Variants in SNX29 observed in about 807,000 individuals in gnomAD.
SNX29 encodes the protein sorting nexin-29.
SNX29 carries 78 observed loss-of-function variants against 102.1 expected under a neutral mutation model. The observed-to-expected ratio is 0.76, with a 90% CI of 0.64 to 0.92. SNX29 has a LOEUF of 0.92. Among genes scored for constraint, SNX29 ranks in the 40% least tolerant of loss-of-function variants. SNX29 has a pLI of 0.00. For missense variants in SNX29, 1,280 were observed against 1,061.7 expected, an observed-to-expected ratio of 1.21 and a Z score of -2.86; for synonymous variants, 580 against 414.5, an observed-to-expected ratio of 1.40 and a Z score of -4.85.
chr16:12,479,748 A>C (rs575285248), intron 19 of SNX29, among the ~76,000 whole-genome samples: 1 of 152,242 alleles, frequency 6.6e-6, no homozygotes, highest in Non-Finnish European at 1.5e-5. Flanking sequence ...CGTATTATCA[A>C]ATTATAAGAC....
chr16:12,174,774 G>A (rs2076223389), intron 13 of SNX29, among the ~76,000 whole-genome samples: 1 of 152,164 alleles, frequency 6.6e-6, no homozygotes, highest in Non-Finnish European at 1.5e-5. Context: ...CATGGATGTG[G>A]GATCTGTGCC....
At chr16:12,154,790 C>A (rs2055466030) in intron 13 of SNX29, among the ~76,000 whole-genome samples, 1 of 152,152 alleles carries the variant, frequency 6.6e-6, no homozygotes, top group African/African-American at 2.4e-5. Context: ...GCACCTTCTC[C>A]CTGTGTCCTT....
chr16:12,502,654 T>G (rs9941261), intron 19 of SNX29, among the ~76,000 whole-genome samples: 1 of 152,060 alleles, frequency 6.6e-6, no homozygotes, highest in Non-Finnish European at 1.5e-5. Flanking sequence ...GGTCTGAGGA[T>G]GAAATTCAAG....
chr16:12,340,344 A>T (rs1371945844), intron 15 of SNX29, among the ~76,000 whole-genome samples: 6 of 152,232 alleles, frequency 3.9e-5, no homozygotes, highest in African/African-American at 1.4e-4. Flanking sequence ...GTAACGGGGC[A>T]TAAAGACAAT....
intron 14 of SNX29, among the ~76,000 whole-genome samples, chr16:12,222,460 A>G (rs1210880764): frequency 6.6e-6 from 1 of 152,236 alleles, no homozygotes; most frequent in Non-Finnish European, 1.5e-5. Context: ...GTATGTTTAC[A>G]TCGAATGGAC....
Position 11,996,351 on chromosome 16 carries a change from C to G in SNX29, c.8-2946C>G, listed in dbSNP as rs751775538. ...GAAAGCTATGATTGTGCCACTTACT[C>G]TAGCCCATGTGATAGAGATCCTGTC... is the stretch of plus-strand genomic sequence containing the variant. On this transcript the variant is annotated intron_variant, in intron 1 of 20. Transcript: ENST00000566228. Among the ~76,000 whole-genome samples the G allele has an allele frequency of 3.9e-5, 6 of 152,278 alleles. No homozygotes were observed. The South Asian group carries it at 6.2e-4, about 16-fold the overall frequency.
intron 16 of SNX29, among the ~76,000 whole-genome samples, chr16:12,368,930 T>A (rs9926796): frequency 2.0e-5 from 3 of 152,136 alleles, no homozygotes; most frequent in Non-Finnish European, 4.4e-5. Context: ...TGCACAGATA[T>A]GGATTCATCA....
At chr16:12,339,640 T>C (rs2081556283) in intron 15 of SNX29, among the ~76,000 whole-genome samples, 1 of 152,212 alleles carries the variant, frequency 6.6e-6, no homozygotes, top group African/African-American at 2.4e-5. Context: ...GCTCTCTGCT[T>C]TCTTTTTTGT....
At position 12,298,198 on chromosome 16, in the gene SNX29, C is replaced by T. The variant is rs146769758; in HGVS notation, c.1782+20162C>T. Among the ~76,000 whole-genome samples, 1,430 of 152,242 alleles carry T rather than the reference C, an allele frequency of 9.4e-3. 78 individuals carry two copies. Among genetic ancestry groups the T allele is most frequent in the Admixed American group, 0.084 (1,284 of 15,292 alleles). On this transcript the variant is annotated intron_variant, in intron 15 of 20. Transcript: ENST00000566228. ...AAGAAAAGAAATAATAATAGCACTT[C>T]AGTCATGGCATAATTGATGTGGAAT...
At chr16:12,339,062 C>T (rs1449237559) in intron 15 of SNX29, among the ~76,000 whole-genome samples, 2 of 152,142 alleles carry the variant, frequency 1.3e-5, no homozygotes, top group African/African-American at 2.4e-5. Context: ...CCTGCGCCAT[C>T]ATGACTGTTT....
intron 19 of SNX29, among the ~76,000 whole-genome samples, chr16:12,509,104 T>C (rs1359981673): frequency 6.6e-6 from 1 of 152,154 alleles, no homozygotes; most frequent in South Asian, 2.1e-4. Flanking sequence ...GTGAAGAATT[T>C]ATGCTGGTTG....
chr16:11,999,455 C>T (rs1449028197), intron 2 of SNX29, 97 bp downstream of exon 2: 1 of 1,139,162 alleles, frequency 8.8e-7, no homozygotes, highest in Non-Finnish European at 1.3e-6. Flanking sequence ...AGACTAACTC[C>T]CACTTTATAC....
chr16:12,368,116 C>G (rs2082552430), intron 16 of SNX29, among the ~76,000 whole-genome samples: 1 of 152,154 alleles, frequency 6.6e-6, no homozygotes, highest in Non-Finnish European at 1.5e-5. Context: ...TTCTGATGCA[C>G]TTGTGTGAAA....
chr16:12,115,712 A>C (rs1372970935), intron 11 of SNX29, among the ~76,000 whole-genome samples: 3 of 152,330 alleles, frequency 2.0e-5, no homozygotes, highest in East Asian at 3.9e-4. Context: ...CCATCTAATT[A>C]ACACCTGTAC....
intron 20 of SNX29, among the ~76,000 whole-genome samples, chr16:12,529,925 T>G (rs2076887093): frequency 6.6e-6 from 1 of 152,170 alleles, no homozygotes; most frequent in South Asian, 2.1e-4. Context: ...TCCAAAGTCC[T>G]CAGCGTTACC....
intron 15 of SNX29, among the ~76,000 whole-genome samples, chr16:12,290,937 T>C (rs904600224): frequency 1.3e-5 from 2 of 152,156 alleles, no homozygotes; most frequent in Non-Finnish European, 2.9e-5. Flanking sequence ...CTCTGTTGTG[T>C]TGCTGGATCC....
intron 9 of SNX29, among the ~76,000 whole-genome samples, chr16:12,062,389 TAAATAA>T (rs755770853): frequency 1.4e-5 from 2 of 141,724 alleles, no homozygotes; most frequent in Non-Finnish European, 3.1e-5. Context: ...AATAAATAAA[TAAATAA>T]ATAAATAAAT....
chr16:11,977,753 C>T (rs2055335002), intron 1 of SNX29: 1 of 152,376 alleles, frequency 6.6e-6, no homozygotes, highest in Non-Finnish European at 1.5e-5. Flanking sequence ...CTCCTTTCCT[C>T]TGAGGAGTCT....
At chr16:12,185,800 A>G (rs909763571) in intron 13 of SNX29, among the ~76,000 whole-genome samples, 4 of 152,218 alleles carry the variant, frequency 2.6e-5, no homozygotes, top group African/African-American at 9.6e-5. Flanking sequence ...GCAACTGTGC[A>G]GCAGTCGCAG....
Sources: gnomAD v4.1 joint callset for allele counts (sites outside exome capture counted in the v4.1 genomes callset) on GRCh38, gnomAD v4.1.1 for gene constraint, MANE v1.5 for transcripts, NCBI Gene and HGNC (gene_info 2026-07-23, HGNC 2026-07-21) for gene names.